Variants in YTHDC2 observed in about 807,000 individuals in gnomAD.
The protein encoded by YTHDC2 is YTH N6-methyladenosine RNA binding protein C2, also known as 3'-5' RNA helicase YTHDC2.
A neutral mutation model predicts 174.9 loss-of-function variants in YTHDC2; 45 were observed. The observed-to-expected ratio is 0.26, with a 90% CI of 0.20 to 0.33. YTHDC2 has a LOEUF of 0.33. YTHDC2 is among the 10% of genes least tolerant of loss of function. The probability of loss-of-function intolerance (pLI) is 1.00; values close to 1 mark genes in which losing one functional copy is unlikely to be tolerated. For missense variants in YTHDC2, 1,650 were observed against 1,723.7 expected (o/e 0.96, Z 0.76); for synonymous variants, 657 against 574.5 (o/e 1.14, Z -2.05).
intron 12 of YTHDC2, 50 bp downstream of exon 12, chr5:113,549,070 G>A (rs1326093491): frequency 1.4e-6 from 2 of 1,470,072 alleles, no homozygotes; most frequent in Admixed American, 3.6e-5. Context: ...TTAAAAAAGA[G>A]CTTCACCATA....
chr5:113,529,860 A>G (rs1007176929), intron 4 of YTHDC2, among the ~76,000 whole-genome samples: 5 of 152,088 alleles, frequency 3.3e-5, no homozygotes, highest in Admixed American at 6.6e-5. Context: ...AGATCTGTCA[A>G]TATTTTTCTA....
chr5:113,556,134 G>A lies in YTHDC2; in HGVS notation c.2216G>A (p.Arg739Lys). ...SKASAIQRKG[R>K]AGRCRPGICF... Reference sequence around the variant, plus strand: ...GCTAGTGCCATACAGCGGAAAGGCAGGTAATGTATATTTAATGTATATTCA... The same window carrying A: ...GCTAGTGCCATACAGCGGAAAGGCAAGTAATGTATATTTAATGTATATTCA... Residue 739 changes from arginine to lysine, a missense_variant and splice_region_variant, in exon 17 of 30, where the codon AGG becomes AAG. Physicochemically the swap from Arg to Lys is conservative, Grantham distance 26 (BLOSUM62 2). This residue lies in a region of YTHDC2 where 913 missense variants were observed against 940.4 expected (regional missense o/e 0.97). Transcript: ENST00000161863. 1 of 1,588,622 alleles carries A rather than the reference G, an allele frequency of 6.3e-7. No individual in the cohort carries two copies. Among genetic ancestry groups the A allele is most frequent in the Non-Finnish European group, 8.6e-7 (1 of 1,160,002 alleles).
intron 4 of YTHDC2, among the ~76,000 whole-genome samples, chr5:113,530,948 G>A (rs1293112572): frequency 1.3e-5 from 2 of 152,130 alleles, no homozygotes; most frequent in Non-Finnish European, 2.9e-5. Flanking sequence ...GGATAGTTTT[G>A]CAAGGTACAG....
chr5:113,584,100 C>G (rs1349809452), intron 25 of YTHDC2: 8 of 386,088 alleles, frequency 2.1e-5, no homozygotes, highest in Admixed American at 4.3e-5. Context: ...GATCTCATAC[C>G]TAGTTAGTTG....
intron 23 of YTHDC2, among the ~76,000 whole-genome samples, chr5:113,576,054 G>C (rs1471115142): frequency 6.7e-6 from 1 of 149,310 alleles, no homozygotes; most frequent in African/African-American, 2.5e-5. Flanking sequence ...AGAAATTAAG[G>C]GTTCTTTTTA....
At chr5:113,536,182 AC>A (rs1167527633) in intron 7 of YTHDC2, among the ~76,000 whole-genome samples, 1 of 152,172 alleles carries the variant, frequency 6.6e-6, no homozygotes, top group Non-Finnish European at 1.5e-5. Context: ...TTTATTAAAA[AC>A]GGATTTTGCC....
intron 12 of YTHDC2, among the ~76,000 whole-genome samples, chr5:113,550,597 A>G (rs552869790): frequency 2.0e-5 from 3 of 152,122 alleles, no homozygotes; most frequent in Admixed American, 1.3e-4. Flanking sequence ...AGGTTCGCAG[A>G]TAATGACTAC....
intron 4 of YTHDC2, among the ~76,000 whole-genome samples, chr5:113,532,285 T>G (rs987796499): frequency 6.6e-6 from 1 of 152,226 alleles, no homozygotes; most frequent in Non-Finnish European, 1.5e-5. Flanking sequence ...TTTTTTTTCT[T>G]GAAAGATTTC....
At chr5:113,584,773 CTTTTTTTTT>C (rs34217644) in intron 26 of YTHDC2, among the ~76,000 whole-genome samples, 2 of 95,734 alleles carry the variant, frequency 2.1e-5, no homozygotes, top group African/African-American at 8.8e-5. Flanking sequence ...CTTTCGAATC[CTTTTTTTTT>C]TTTTTTTTTT....
At chr5:113,571,225 A>G (rs1156926609) in intron 23 of YTHDC2, among the ~76,000 whole-genome samples, 2 of 152,170 alleles carry the variant, frequency 1.3e-5, no homozygotes, top group South Asian at 2.1e-4. Flanking sequence ...TTCTGCATCT[A>G]TTGAGATAAT....
In YTHDC2 at chr5:113,543,683, C is replaced by G. The variant is rs1049440335; in HGVS notation, c.1495+1180C>G. Among the ~76,000 whole-genome samples the G allele has an allele frequency of 3.8e-4, 58 of 152,168 alleles. 2 individuals are homozygous for G. The highest frequency in any genetic ancestry group is 1.2e-4 in the Non-Finnish European group (8 of 68,048). On this transcript the variant is annotated intron_variant, in intron 10 of 29. Coordinates refer to ENST00000161863, the MANE Select transcript of YTHDC2 (RefSeq NM_022828.5). ...TTACACTGTGGATAAAAATCAAAGT[C>G]CTTTCCATGATTAGGCCTCTGGCTT...
chr5:113,542,863 C>T (rs1022153532), intron 10 of YTHDC2, among the ~76,000 whole-genome samples: 1 of 152,094 alleles, frequency 6.6e-6, no homozygotes, highest in Non-Finnish European at 1.5e-5. Flanking sequence ...CACCTGAAGC[C>T]CTCAGCATTA....
At chr5:113,523,676 A>T (rs772099991) in intron 2 of YTHDC2, among the ~76,000 whole-genome samples, 15 of 152,254 alleles carry the variant, frequency 9.9e-5, no homozygotes, top group Non-Finnish European at 2.1e-4. Context: ...TGAAATATTC[A>T]ATAAGGAGTT....
At chr5:113,536,822 A>G (rs1412607677) in intron 7 of YTHDC2, among the ~76,000 whole-genome samples, 1 of 151,794 alleles carries the variant, frequency 6.6e-6, no homozygotes, top group Non-Finnish European at 1.5e-5. Flanking sequence ...ATGTATGCAA[A>G]TATATACACA....
At chr5:113,522,134 G>T (rs60559358) in intron 2 of YTHDC2, among the ~76,000 whole-genome samples, 28,994 of 106,094 alleles carry the variant, frequency 0.27, 3,286 homozygotes, top group Admixed American at 0.44. Context: ...TGTTTTTTTT[G>T]TTTTTTGTTT....
chr5:113,563,478 G>A lies in YTHDC2; in HGVS notation c.2428G>A (p.Val810Ile), dbSNP rs147258494. ...ACCAGCTTTAATTGTAAGAAATGCT[G>A]TACAAATGCTTAAGGTTGGTGTCTT... is the stretch of plus-strand genomic sequence containing the variant. Reference protein sequence around the residue: ...PPPALIVRNAVQMLKTIDAMD... With the variant: ...PPPALIVRNAIQMLKTIDAMD... Residue 810 changes from valine to isoleucine, a missense_variant, in exon 19 of 30, where the codon GTA becomes ATA. Coordinates refer to ENST00000161863, the MANE Select transcript of YTHDC2 (RefSeq NM_022828.5). 1.4e-4 allele frequency: 226 copies of A among 1,605,948 alleles called. No individual in the cohort carries two copies. The East Asian group carries it at 4.9e-3, about 35-fold the overall frequency.
At chr5:113,532,037 T>G (rs1315774797) in intron 4 of YTHDC2, among the ~76,000 whole-genome samples, 1 of 152,230 alleles carries the variant, frequency 6.6e-6, no homozygotes, top group African/African-American at 2.4e-5. Flanking sequence ...GCAGTGTTGT[T>G]TATAATATCA....
intron 10 of YTHDC2, among the ~76,000 whole-genome samples, chr5:113,544,109 G>A (rs778818348): frequency 2.0e-4 from 30 of 152,012 alleles, no homozygotes; most frequent in Non-Finnish European, 7.4e-5. Flanking sequence ...GAGATTCATC[G>A]TTTATTAAGT....
intron 16 of YTHDC2, 106 bp downstream of exon 16, chr5:113,554,128 T>A (rs200818976): frequency 1.5e-6 from 1 of 653,248 alleles, no homozygotes; most frequent in Non-Finnish European, 2.0e-6. Context: ...ATTTTACCTC[T>A]ACTCAAGACA....
Sources: allele counts gnomAD v4.1 joint callset (sites outside exome capture counted in the v4.1 genomes callset), GRCh38; gene constraint gnomAD v4.1.1; regional missense constraint gnomAD v4.1.1; transcripts MANE v1.5; gene names NCBI Gene and HGNC (gene_info 2026-07-23, HGNC 2026-07-21).